EPN1: variants seen among roughly 807,000 people sequenced by gnomAD.
EPN1 encodes epsin-1.
Under a neutral mutation model 56.9 loss-of-function variants are expected in EPN1, and 25 were observed. The observed-to-expected ratio is 0.44, with a 90% confidence interval of 0.32 to 0.61. The LOEUF (loss-of-function observed/expected upper bound fraction) is 0.61, where lower values mean the gene tolerates loss of function less well. Ranked by LOEUF, EPN1 falls within the 20% of genes least tolerant of loss-of-function variation. The pLI, the probability that EPN1 is intolerant of heterozygous loss-of-function variation, is 0.05. For synonymous variants in EPN1, 411 were observed against 361.8 expected (o/e 1.14, Z -1.54); for missense variants, 785 against 823.7 (o/e 0.95, Z 0.58).
Position 55,689,119 on chromosome 19 carries a change from C to T in EPN1, c.603+125C>T, listed in dbSNP as rs1986364557. On this transcript the variant is annotated intron_variant, in intron 4 of 10. Coordinates refer to ENST00000270460, the MANE Select transcript of EPN1 (RefSeq NM_001130072.2). This position sits in a 1 kb window ranked among gnomAD's most constrained non-coding sequence, Gnocchi z 5.7. ...TGCTCCACATGCTGTCACTCGTCTCCTCCCCAGTCCTGCCTCATCCTCACC... is the reference window on the plus strand; with the variant it reads ...TGCTCCACATGCTGTCACTCGTCTCTTCCCCAGTCCTGCCTCATCCTCACC... 2 of 1,349,866 alleles carry T rather than the reference C, an allele frequency of 1.5e-6. No homozygotes were observed. Among genetic ancestry groups the T allele is most frequent in the Non-Finnish European group, 2.0e-6 (2 of 1,005,950 alleles). 83.6% of individuals were successfully genotyped at this position (1,349,866 alleles called of 1,614,324 possible).
chr19:55,692,157 G>A (rs560898213), intron 7 of EPN1, 100 bp downstream of exon 7: 18 of 1,198,006 alleles, frequency 1.5e-5, no homozygotes, highest in South Asian at 7.9e-5. Context: ...CAGTGGCGCC[G>A]GGCAGTGGTG....
rs771757199 is a variant in EPN1 at position 55,694,718 on chromosome 19, C to T, written c.1265-8C>T. ...CCCTGTCTGAGCCCCTCTCCCGGAT[C>T]CTTCCAGGAGAGCTGGAGCTGCTGG... On this transcript the variant is annotated splice_region_variant and splice_polypyrimidine_tract_variant and intron_variant, in intron 9 of 10. Transcript: ENST00000270460. This position sits in a 1 kb window ranked among gnomAD's most constrained non-coding sequence, Gnocchi z 4.2. 5 of 1,553,158 alleles carry T rather than the reference C, an allele frequency of 3.2e-6. No homozygotes were observed. In the South Asian group the frequency reaches 6.2e-5, roughly 19 times the overall value.
In EPN1 at chr19:55,679,075, G is replaced by A. The variant is rs562920913; in HGVS notation, c.228+220G>A. Among the ~76,000 whole-genome samples, 14 of 152,362 alleles carry A rather than the reference G, an allele frequency of 9.2e-5. No individual in the cohort carries two copies. In the South Asian group the frequency reaches 2.5e-3, roughly 27 times the overall value. On this transcript the variant is annotated intron_variant, in intron 2 of 10. Coordinates refer to ENST00000270460, the MANE Select transcript of EPN1 (RefSeq NM_001130072.2). The stretch of plus-strand genomic sequence containing the variant: ...TTTTGAGTGAGTGGTGCGTACGTAA[G>A]ATTCATGTGCTGAGGAGGCCTGAGA...
chr19:55,686,992 G>C (rs2122191539), intron 3 of EPN1, among the ~76,000 whole-genome samples: 1 of 152,212 alleles, frequency 6.6e-6, no homozygotes, highest in South Asian at 2.1e-4. Context: ...TCCCATCCTA[G>C]CTGCCTGGCC....
Position 55,698,427 on chromosome 19 carries a change from T to G in EPN1, c.*3071T>G, listed in dbSNP as rs1240264120. 2.6e-5 allele frequency: 4 copies of G among 152,210 alleles called. No homozygotes were observed. The highest frequency in any genetic ancestry group is 9.7e-5 in the African/African-American group (4 of 41,416). The allele number at this position is 152,210 out of a possible 1,614,324, so 9.4% of individuals were successfully genotyped here. On this transcript the variant is annotated 3_prime_UTR_variant, in exon 11 of 11. Coordinates refer to ENST00000270460, the MANE Select transcript of EPN1 (RefSeq NM_001130072.2). ...CTAGGGGTTGGGTGGGGAAGGCACT[T>G]GAGGGAACCTTCCTGGAGCCCGTAG...
chr19:55,687,885 G>A (rs1986271981), intron 3 of EPN1, among the ~76,000 whole-genome samples: 1 of 152,198 alleles, frequency 6.6e-6, no homozygotes, highest in Non-Finnish European at 1.5e-5. Context: ...GTGCAGGTGG[G>A]GCCGCCAGAC....
At chr19:55,678,911 G>GAGCCC in intron 2 of EPN1, 56 bp downstream of exon 2, 1 of 1,310,446 alleles carries the variant, frequency 7.6e-7, no homozygotes. Flanking sequence ...GGGAGGACAG[G>GAGCCC]AGCCCGTGTT....
At chr19:55,688,784 CAG>C in intron 3 of EPN1, 84 bp from the exon 4 acceptor site, 1 of 1,532,840 alleles carries the variant, frequency 6.5e-7, no homozygotes, top group Non-Finnish European at 8.8e-7. Flanking sequence ...GGGTTGGACA[CAG>C]AAGCCCCCGT....
rs1442351347 is a variant in EPN1, at chr19:55,689,364, A to G, written c.671A>G (p.His224Arg). The G allele has an allele frequency of 5.2e-6, 8 of 1,551,538 alleles. No individual in the cohort carries two copies. Among genetic ancestry groups the G allele is most frequent in the Non-Finnish European group, 7.0e-6 (8 of 1,146,878 alleles). ...GCCCTTAGTTTGAGCCGAGAAGAGC[A>G]TGATAAGGTCAGAGCAGCCTCCCTG... Reference protein sequence around the residue: ...QLALSLSREEHDKEERIRRGD... With the variant: ...QLALSLSREERDKEERIRRGD... The change falls in exon 5 of 11, where the codon CAT (histidine) becomes CGT (arginine). Residue 224 changes from histidine (H) to arginine (R), a missense_variant. This residue lies in a region of EPN1 where 650 missense variants were observed against 605.0 expected (regional missense o/e 1.07). Transcript: ENST00000270460. This position sits in a 1 kb window ranked among gnomAD's most constrained non-coding sequence, Gnocchi z 5.7.
intron 2 of EPN1, among the ~76,000 whole-genome samples, chr19:55,684,110 T>C (rs1447922795): frequency 6.6e-6 from 1 of 152,218 alleles, no homozygotes; most frequent in African/African-American, 2.4e-5. Context: ...GGTTAAAGAC[T>C]AATCTCTGAT....
chr19:55,677,575 G>C, intron 1 of EPN1: 1 of 1,546,392 alleles, frequency 6.5e-7, no homozygotes, highest in Non-Finnish European at 8.7e-7. Context: ...ATGCAGTGTT[G>C]AAAAAGGTAA....
chr19:55,677,589 C>A lies in EPN1; in HGVS notation c.-101-938C>A, dbSNP rs779769951. On this transcript the variant is annotated intron_variant, in intron 1 of 10. Coordinates refer to ENST00000270460, the MANE Select transcript of EPN1 (RefSeq NM_001130072.2). ...CATGCAGTGTTGAAAAAGGTAATGT[C>A]CCTCTTGTGCTGAGCGAGCACCTGG... is the stretch of plus-strand genomic sequence containing the variant. The A allele has an allele frequency of 5.2e-6, 8 of 1,549,210 alleles. No homozygotes were observed. The African/African-American group carries it at 1.1e-4, about 21-fold the overall frequency.
In EPN1 at chr19:55,694,344, C is replaced by G. The variant is rs1476329990; in HGVS notation, c.1265-382C>G. 4.8e-6 allele frequency: 1 copy of G among 208,634 alleles called. No individual in the cohort carries two copies. The highest frequency in any genetic ancestry group is 1.1e-4 in the East Asian group (1 of 9,398). 12.9% of individuals were successfully genotyped at this position (208,634 alleles called of 1,614,324 possible). A position where few individuals can be genotyped will look rare whatever the true frequency, so the allele number is the denominator to read the frequency against. ...GAAGCTCCCTCTGGGGCTGTGTACT[C>G]AAGGAGCGTCTGAGGGCAGGCTCCT... On this transcript the variant is annotated intron_variant, in intron 9 of 10. Transcript: ENST00000270460. This position sits in a 1 kb window ranked among gnomAD's most constrained non-coding sequence, Gnocchi z 4.2.
In EPN1 at chr19:55,675,347, G is replaced by A. The variant is rs1169977573; in HGVS notation, c.-190G>A. 2 of 151,770 alleles carry A rather than the reference G, an allele frequency of 1.3e-5. No individual in the cohort carries two copies. The highest frequency in any genetic ancestry group is 4.8e-5 in the African/African-American group (2 of 41,364). The allele number at this position is 151,770 out of a possible 1,614,324, so 9.4% of individuals were successfully genotyped here. A position where few individuals can be genotyped will look rare whatever the true frequency, so the allele number is the denominator to read the frequency against. ...TCCTTGCGTTCGTGCGTGCGCCCGT[G>A]GCCCGGCGCACGTCCCGCGACACCG... On this transcript the variant is annotated 5_prime_UTR_variant, in exon 1 of 11. Coordinates refer to ENST00000270460, the MANE Select transcript of EPN1 (RefSeq NM_001130072.2).
intron 1 of EPN1, among the ~76,000 whole-genome samples, chr19:55,678,186 C>T (rs1347719111): frequency 3.3e-5 from 5 of 152,078 alleles, no homozygotes; most frequent in South Asian, 2.1e-4. Context: ...GTTTACAGGG[C>T]GTCAGTTCTC....
In EPN1 at chr19:55,709,001, T is replaced by A. The variant is rs200070463; in HGVS notation, c.*13645T>A. ...TGGGGAATTTTTTCTTCCACAGACA[T>A]CAGGATCTTCTGAGTTTCTTCATCA... On this transcript the variant is annotated 3_prime_UTR_variant, in exon 11 of 11. Coordinates refer to ENST00000270460, the MANE Select transcript of EPN1 (RefSeq NM_001130072.2). 1.3e-5 allele frequency: 20 copies of A among 1,588,924 alleles called. No homozygotes were observed. The highest frequency in any genetic ancestry group is 1.5e-5 in the Non-Finnish European group (18 of 1,171,346).
At position 55,694,280 on chromosome 19, in the gene EPN1, G is replaced by A. The variant is rs972588834; in HGVS notation, c.1265-446G>A. 5.7e-5 allele frequency: 9 copies of A among 156,674 alleles called. No homozygotes were observed. Among genetic ancestry groups the A allele is most frequent in the Admixed American group, 2.7e-4 (4 of 15,070 alleles). 9.7% of individuals were successfully genotyped at this position (156,674 alleles called of 1,614,324 possible). A position where few individuals can be genotyped will look rare whatever the true frequency, so the allele number is the denominator to read the frequency against. On this transcript the variant is annotated intron_variant, in intron 9 of 10. Transcript: ENST00000270460. This position sits in a 1 kb window ranked among gnomAD's most constrained non-coding sequence, Gnocchi z 4.2. ...ACCTCTAGCCAACAGATGTCTTCAC[G>A]CTGGCCCGGAACACGTGTCTGTGCT... is the stretch of plus-strand genomic sequence containing the variant.
Position 55,692,555 on chromosome 19 carries a change from C to T in EPN1, c.1067-131C>T, listed in dbSNP as rs1483672018. On this transcript the variant is annotated intron_variant, in intron 7 of 10. Coordinates refer to ENST00000270460, the MANE Select transcript of EPN1 (RefSeq NM_001130072.2). Reference sequence around the variant, plus strand: ...GAATTTGAGTGTGTGTGCGGGAGGCCGGGTGGGGTGGGTTTCTGGGGGGCA... The same window carrying T: ...GAATTTGAGTGTGTGTGCGGGAGGCTGGGTGGGGTGGGTTTCTGGGGGGCA... The T allele has an allele frequency of 8.8e-5, 39 of 444,420 alleles. 1 individual carries two copies. Among genetic ancestry groups the T allele is most frequent in the Middle Eastern group, 1.1e-3 (2 of 1,758 alleles). The allele number at this position is 444,420 out of a possible 1,614,324, so 27.5% of individuals were successfully genotyped here. A position where few individuals can be genotyped will look rare whatever the true frequency, so the allele number is the denominator to read the frequency against.
chr19:55,709,012 T>TGAGTTTCTTCA lies in EPN1; in HGVS notation c.*13657_*13667dup. Reference sequence around the variant, plus strand: ...TTCTTCCACAGACATCAGGATCTTCTGAGTTTCTTCATCAAAGCCAGATTT... The same window carrying TGAGTTTCTTCA: ...TTCTTCCACAGACATCAGGATCTTCTGAGTTTCTTCAGAGTTTCTTCATCAAAGCCAGATTT... On this transcript the variant is annotated 3_prime_UTR_variant, in exon 11 of 11. Transcript: ENST00000270460. 6.3e-7 allele frequency: 1 copy of TGAGTTTCTTCA among 1,583,568 alleles called. No individual in the cohort carries two copies. Among genetic ancestry groups the TGAGTTTCTTCA allele is most frequent in the Non-Finnish European group, 8.5e-7 (1 of 1,169,880 alleles).
Sources: gnomAD v4.1 joint callset for allele counts (sites outside exome capture counted in the v4.1 genomes callset) on GRCh38, gnomAD v4.1.1 for gene constraint, gnomAD v4.1.1 regional missense constraint, Gnocchi (gnomAD v3.1) non-coding constraint, MANE v1.5 for transcripts, NCBI Gene and HGNC (gene_info 2026-07-23, HGNC 2026-07-21) for gene names.